Variants in PDIA4 observed in about 807,000 individuals in gnomAD.
PDIA4 encodes the protein protein disulfide isomerase family A member 4, also known as protein disulfide-isomerase A4.
A neutral mutation model predicts 62.1 loss-of-function variants in PDIA4; 33 were observed. That is an observed-to-expected ratio of 0.53 (90% CI 0.40 to 0.71). The LOEUF (loss-of-function observed/expected upper bound fraction) is 0.71. Ranked by LOEUF, PDIA4 falls within the 30% of genes least tolerant of loss-of-function variation. The pLI is 0.00. For missense variants in PDIA4, 804 were observed against 813.6 expected (o/e 0.99, Z 0.14); for synonymous variants, 341 against 324.1 (o/e 1.05, Z -0.56).
At chr7:149,008,428 C>T (rs1424735353) in intron 6 of PDIA4, 118 bp from the exon 7 acceptor site, 22 of 998,798 alleles carry the variant, frequency 2.2e-5, no homozygotes, top group Middle Eastern at 2.9e-4. Context: ...AGGCTGGGCG[C>T]GGTGGCTCAC....
chr7:149,006,143 G>A (rs1485531505), intron 7 of PDIA4, 90 bp from the exon 8 acceptor site: 26 of 1,360,244 alleles, frequency 1.9e-5, no homozygotes, highest in East Asian at 8.5e-5. Context: ...GGGGAGTGGC[G>A]ACTTTGAAGG....
At position 149,003,674 on chromosome 7, in the gene PDIA4, T is replaced by TAA. The variant is rs762007812; in HGVS notation, c.*118_*119dup. The TAA allele has an allele frequency of 4.1e-4, 225 of 542,478 alleles. No individual in the cohort carries two copies. The highest frequency in any genetic ancestry group is 1.1e-3 in the South Asian group (24 of 22,762). The allele number at this position is 542,478 out of a possible 1,614,324, so 33.6% of individuals were successfully genotyped here. ...AGTGAAACACCAAAGTATAAAAAAT[T>TAA]AAAAAAAAAAAAAAAGGAATCCGAG... On this transcript the variant is annotated 3_prime_UTR_variant, in exon 10 of 10. Coordinates refer to ENST00000652332, the MANE Select transcript of PDIA4 (RefSeq NM_004911.5).
intron 3 of PDIA4, among the ~76,000 whole-genome samples, chr7:149,015,469 T>C (rs565103685): frequency 1.5e-5 from 2 of 137,020 alleles, no homozygotes; most frequent in East Asian, 2.1e-4. Flanking sequence ...TGTTACTATA[T>C]TACATACGTC....
intron 1 of PDIA4, chr7:149,027,893 T>A (rs1321785862): frequency 1.2e-5 from 6 of 480,470 alleles, no homozygotes; most frequent in Non-Finnish European, 2.6e-5. Flanking sequence ...AACTCGCACT[T>A]GTTTCTTCAC....
rs751933996 is a variant in PDIA4, at chr7:149,021,132, T to C, written c.104A>G (p.Glu35Gly). 3 of 1,593,430 alleles carry C rather than the reference T, an allele frequency of 1.9e-6. No individual in the cohort carries two copies. The Admixed American group carries it at 5.3e-5, about 28-fold the overall frequency. The change falls in exon 2 of 10, where the codon GAA becomes GGA. Residue 35 changes from glutamate (E) to glycine (G), a missense_variant. Glu to Gly is a moderately conservative substitution (Grantham distance 98, BLOSUM62 -2). Transcript: ENST00000652332. Reference protein sequence around the residue: ...EGPDEDSSNRENAIEDEEEEE... With the variant: ...EGPDEDSSNRGNAIEDEEEEE... ...CTCCTCTTCATCCTCAATGGCATTT[T>C]CTCTGTTAGAAGAATCTGAGTGGAA...
intron 6 of PDIA4, among the ~76,000 whole-genome samples, chr7:149,009,954 C>T (rs1779086068): frequency 6.6e-6 from 1 of 152,206 alleles, no homozygotes; most frequent in Admixed American, 6.5e-5. Flanking sequence ...CCTTGAAGGG[C>T]TCTTGGTCTA....
intron 3 of PDIA4, among the ~76,000 whole-genome samples, chr7:149,015,715 T>G (rs1824111331): frequency 6.6e-6 from 1 of 152,188 alleles, no homozygotes; most frequent in South Asian, 2.1e-4. Context: ...TTTTCCCCAC[T>G]GCAGAATCTA....
chr7:149,013,477 G>A (rs1824022935), intron 4 of PDIA4, among the ~76,000 whole-genome samples: 1 of 152,120 alleles, frequency 6.6e-6, no homozygotes. Context: ...AGGAGTTCAA[G>A]ACCAACCGGG....
At chr7:149,004,552 C>CG (rs112001618) in intron 9 of PDIA4, among the ~76,000 whole-genome samples, 181 of 152,332 alleles carry the variant, frequency 1.2e-3, no homozygotes, top group African/African-American at 4.2e-3. Context: ...CCACAGACAT[C>CG]GGAACAGCAT....
Position 149,003,723 on chromosome 7 carries a change from C to T in PDIA4, c.*71G>A, listed in dbSNP as rs376941596. Reference sequence around the variant, plus strand: ...AGATACTGTCGTTTGTTGCCGGCCTCGGCGTGGACGCCCCGACCATGGGCC... The same window carrying T: ...AGATACTGTCGTTTGTTGCCGGCCTTGGCGTGGACGCCCCGACCATGGGCC... On this transcript the variant is annotated 3_prime_UTR_variant, in exon 10 of 10. Coordinates refer to ENST00000652332, the MANE Select transcript of PDIA4 (RefSeq NM_004911.5). 13 of 1,210,448 alleles carry T rather than the reference C, an allele frequency of 1.1e-5. No homozygotes were observed. Among genetic ancestry groups the T allele is most frequent in the Middle Eastern group, 2.1e-4 (1 of 4,696 alleles). The allele number at this position is 1,210,448 out of a possible 1,614,324, so 75.0% of individuals were successfully genotyped here. A position where few individuals can be genotyped will look rare whatever the true frequency, so the allele number is the denominator to read the frequency against.
intron 2 of PDIA4, among the ~76,000 whole-genome samples, chr7:149,019,769 C>T (rs1372572858): frequency 6.6e-6 from 1 of 152,118 alleles, no homozygotes; most frequent in Admixed American, 6.5e-5. Context: ...AGAGATCATG[C>T]CATTGCATTC....
intron 9 of PDIA4, 22 bp downstream of exon 9, chr7:149,005,119 C>T: frequency 6.3e-7 from 1 of 1,579,688 alleles, no homozygotes; most frequent in Non-Finnish European, 8.7e-7. Flanking sequence ...ATGGGAGACC[C>T]CAGCCCCAGC....
intron 3 of PDIA4, among the ~76,000 whole-genome samples, chr7:149,017,644 A>G (rs1042287259): frequency 7.1e-6 from 1 of 141,722 alleles, no homozygotes; most frequent in East Asian, 2.1e-4. Context: ...AAAATTAAAT[A>G]CATTTTATCA....
At chr7:149,006,304 G>A (rs1823755277) in intron 7 of PDIA4, 1 of 430,554 alleles carries the variant, frequency 2.3e-6, no homozygotes, top group Non-Finnish European at 4.1e-6. Flanking sequence ...TTTCCTTGGG[G>A]GTGTAGGCTC....
intron 2 of PDIA4, among the ~76,000 whole-genome samples, 192 bp from the exon 3 acceptor site, chr7:149,019,389 T>C (rs1824263061): frequency 6.6e-6 from 1 of 152,164 alleles, no homozygotes; most frequent in African/African-American, 2.4e-5. Flanking sequence ...GGATCCCTCA[T>C]GAATAGGCAA....
In PDIA4 at chr7:149,003,831, T is replaced by C. The variant is rs150870179; in HGVS notation, c.1901A>G (p.His634Arg). ...CTTGGTCCTGCTCAGTTTTGTGGCA[T>C]GTTCTTCTATAAACTTGCTCAAATG... ...LEHLSKFIEE[H>R]ATKLSRTKEE... is the part of the protein sequence containing the mutation. The change falls in exon 10 of 10, where the codon CAT becomes CGT. Residue 634 changes from histidine (H) to arginine (R), a missense_variant. Transcript: ENST00000652332. The C allele has an allele frequency of 1.3e-6, 2 of 1,587,818 alleles. No individual in the cohort carries two copies. Among genetic ancestry groups the C allele is most frequent in the Non-Finnish European group, 1.7e-6 (2 of 1,166,918 alleles).
chr7:149,019,979 C>T (rs1824285864), intron 2 of PDIA4, among the ~76,000 whole-genome samples: 1 of 152,042 alleles, frequency 6.6e-6, no homozygotes, highest in African/African-American at 2.4e-5. Flanking sequence ...ATAATATAAC[C>T]TCATAGAGTC....
At chr7:149,012,819 G>C (rs1250115522) in intron 4 of PDIA4, among the ~76,000 whole-genome samples, 1 of 152,112 alleles carries the variant, frequency 6.6e-6, no homozygotes, top group Non-Finnish European at 1.5e-5. Flanking sequence ...GCGAAGAGAG[G>C]GTCGGCAGGT....
In PDIA4 at chr7:149,011,943, C is replaced by T. The variant is rs1219472996; in HGVS notation, c.882G>A (p.Lys294=). 9 of 1,610,218 alleles carry T rather than the reference C, an allele frequency of 5.6e-6. No individual in the cohort carries two copies. The highest frequency in any genetic ancestry group is 7.6e-6 in the Non-Finnish European group (9 of 1,177,834). Residue 294 remains lysine (K), a synonymous_variant, in exon 6 of 10, where the codon AAG becomes AAA. Coordinates refer to ENST00000652332, the MANE Select transcript of PDIA4 (RefSeq NM_004911.5). ...GPPSKEILTL[K]QVQEFLKDGD... Reference sequence around the variant, plus strand: ...CATCCTTCAGGAACTCCTGGACCTGCTTCAGGGTCAGAATCTCCTTGGAGG... The same window carrying T: ...CATCCTTCAGGAACTCCTGGACCTGTTTCAGGGTCAGAATCTCCTTGGAGG...
Sources: allele counts gnomAD v4.1 joint callset (sites outside exome capture counted in the v4.1 genomes callset), GRCh38; gene constraint gnomAD v4.1.1; transcripts MANE v1.5; gene names NCBI Gene and HGNC (gene_info 2026-07-23, HGNC 2026-07-21).